UTS2: variants seen among roughly 807,000 people sequenced by gnomAD.
UTS2 encodes urotensin-2.
A neutral mutation model predicts 12.6 loss-of-function variants in UTS2; 10 were observed. That is an observed-to-expected ratio of 0.80 (90% confidence interval 0.49 to 1.35). The LOEUF is 1.35. Ranked by LOEUF, UTS2 falls within the 40% of genes most tolerant of loss-of-function variation. The pLI is 0.00. For missense variants in UTS2, 142 were observed against 143.2 expected (o/e 0.99, Z 0.04); for synonymous variants, 52 against 50.0 (o/e 1.04, Z -0.17).
the UTS2 span, among the ~76,000 whole-genome samples, chr1:7,894,476 T>C: frequency 6.6e-6 from 1 of 152,044 alleles, no homozygotes; most frequent in South Asian, 2.1e-4. Context: ...GCCCGACCTC[T>C]TCTCTGATTT....
At chr1:7,913,112 AC>A in the UTS2 span, among the ~76,000 whole-genome samples, 1 of 150,510 alleles carries the variant, frequency 6.6e-6, no homozygotes, top group Non-Finnish European at 1.5e-5. Context: ...CGGAACTCCC[AC>A]CCTCCAGGAG....
At chr1:7,853,092 T>C (rs1276321000), upstream of UTS2, 2 of 1,513,434 alleles carry the variant, frequency 1.3e-6, no homozygotes, top group South Asian at 1.4e-5. Context: ...ACTGATTATA[T>C]ATATCATCCT....
chr1:7,875,127 T>C, the UTS2 span, among the ~76,000 whole-genome samples: 1 of 151,820 alleles, frequency 6.6e-6, no homozygotes, highest in Non-Finnish European at 1.5e-5. Context: ...CAGGCTGGAG[T>C]GCAGTGGCGC....
At chr1:7,849,749 A>G in intron 2 of UTS2, 66 bp from the exon 3 acceptor site, 3 of 1,359,910 alleles carry the variant, frequency 2.2e-6, no homozygotes, top group Non-Finnish European at 2.0e-6. Flanking sequence ...GTTTTAAAAT[A>G]TACAAAATAA....
the UTS2 span, among the ~76,000 whole-genome samples, chr1:7,858,544 CG>C: frequency 6.6e-6 from 1 of 152,130 alleles, no homozygotes; most frequent in Non-Finnish European, 1.5e-5. Context: ...CCTGATGACA[CG>C]TTTGTCGTTG....
At chr1:7,874,143 GC>G in the UTS2 span, among the ~76,000 whole-genome samples, 5 of 152,132 alleles carry the variant, frequency 3.3e-5, no homozygotes, top group African/African-American at 1.2e-4. Context: ...GCCAGGATCA[GC>G]TCAGATCCAA....
At chr1:7,904,698 A>G in the UTS2 span, among the ~76,000 whole-genome samples, 9 of 152,226 alleles carry the variant, frequency 5.9e-5, no homozygotes, top group Non-Finnish European at 8.8e-5. Context: ...TGAGGTCATG[A>G]GTTCAAGACC....
the UTS2 span, among the ~76,000 whole-genome samples, chr1:7,893,300 G>C: frequency 6.6e-6 from 1 of 152,186 alleles, no homozygotes; most frequent in African/African-American, 2.4e-5. Flanking sequence ...CCAGGAGTTT[G>C]AGGTCAGCCT....
At chr1:7,877,793 A>C in the UTS2 span, among the ~76,000 whole-genome samples, 1 of 152,146 alleles carries the variant, frequency 6.6e-6, no homozygotes, top group Non-Finnish European at 1.5e-5. Context: ...GAATCGCTTG[A>C]ACCTGGGAGG....
chr1:7,875,936 C>T, the UTS2 span, among the ~76,000 whole-genome samples: 1 of 152,124 alleles, frequency 6.6e-6, no homozygotes. Flanking sequence ...CAGAAGGGAA[C>T]CTAGGGACAG....
the UTS2 span, among the ~76,000 whole-genome samples, chr1:7,901,135 T>G: frequency 6.6e-6 from 1 of 152,230 alleles, no homozygotes. Flanking sequence ...TCAAATGTAT[T>G]GGCAAAAACC....
the UTS2 span, among the ~76,000 whole-genome samples, chr1:7,878,593 G>C: frequency 3.3e-5 from 5 of 152,026 alleles, no homozygotes; most frequent in East Asian, 1.9e-4. Context: ...AAAATGTATA[G>C]AGCCATGTGC....
intron 1 of UTS2, among the ~76,000 whole-genome samples, chr1:7,851,925 C>G (rs1315422400): frequency 6.6e-6 from 1 of 152,070 alleles, no homozygotes; most frequent in Non-Finnish European, 1.5e-5. Flanking sequence ...AGTATTTTCA[C>G]TTATTTCATC....
the UTS2 span, among the ~76,000 whole-genome samples, chr1:7,900,962 T>G: frequency 6.6e-6 from 1 of 152,202 alleles, no homozygotes; most frequent in Non-Finnish European, 1.5e-5. Context: ...TTAAGAGAAC[T>G]TACCTGGAAA....
the UTS2 span, among the ~76,000 whole-genome samples, chr1:7,878,464 T>C: frequency 1.3e-5 from 2 of 152,206 alleles, no homozygotes; most frequent in African/African-American, 2.4e-5. Context: ...AAGGATACTA[T>C]ACAAAACAAC....
the UTS2 span, among the ~76,000 whole-genome samples, chr1:7,882,334 C>CTAAA: frequency 5.9e-5 from 9 of 152,018 alleles, no homozygotes; most frequent in African/African-American, 1.2e-4. Flanking sequence ...GTTCCTGACT[C>CTAAA]TAAATAAATA....
At chr1:7,851,540 G>A (rs908224319) in intron 1 of UTS2, among the ~76,000 whole-genome samples, 3 of 152,160 alleles carry the variant, frequency 2.0e-5, no homozygotes, top group East Asian at 1.9e-4. Flanking sequence ...AGGGCACACC[G>A]GAGTGTGAGG....
At chr1:7,904,047 A>G in the UTS2 span, among the ~76,000 whole-genome samples, 9 of 152,226 alleles carry the variant, frequency 5.9e-5, no homozygotes, top group African/African-American at 2.2e-4. Flanking sequence ...GTGATTTTAG[A>G]AATTTAGATC....
At chr1:7,912,133 C>A in the UTS2 span, among the ~76,000 whole-genome samples, 2 of 152,000 alleles carry the variant, frequency 1.3e-5, no homozygotes, top group African/African-American at 2.4e-5. Flanking sequence ...GAAATATGAA[C>A]CTGAAAGAGG....
Sources: allele counts gnomAD v4.1 joint callset (sites outside exome capture counted in the v4.1 genomes callset), GRCh38; gene constraint gnomAD v4.1.1; transcripts MANE v1.5; gene names NCBI Gene and HGNC (gene_info 2026-07-23, HGNC 2026-07-21).